ARMC9: variants seen among roughly 807,000 people sequenced by gnomAD.
The protein encoded by ARMC9 is lisH domain-containing protein ARMC9.
A neutral mutation model predicts 107.0 loss-of-function variants in ARMC9; 94 were observed. The ratio of observed to expected loss-of-function variants is 0.88; its 90% CI spans 0.74 to 1.04. The LOEUF (loss-of-function observed/expected upper bound fraction) is 1.04. ARMC9 is among the 50% of genes least tolerant of loss of function. The probability of loss-of-function intolerance (pLI) is 0.00; values close to 1 mark genes in which losing one functional copy is unlikely to be tolerated. For synonymous variants in ARMC9, 380 were observed against 396.9 expected (o/e 0.96, Z 0.51); for missense variants, 942 against 1,030.1 (o/e 0.91, Z 1.17).
At chr2:231,366,400 A>C (rs1336628723) in intron 23 of ARMC9, among the ~76,000 whole-genome samples, 1 of 152,142 alleles carries the variant, frequency 6.6e-6, no homozygotes, top group East Asian at 1.9e-4. Flanking sequence ...ATTGACACAT[A>C]AAAATAACCA....
chr2:231,223,957 A>G (rs2034401731), intron 6 of ARMC9, among the ~76,000 whole-genome samples: 1 of 152,128 alleles, frequency 6.6e-6, no homozygotes, highest in Admixed American at 6.6e-5. Flanking sequence ...TTATTTGAAT[A>G]CGCTTTAAAA....
At chr2:231,359,798 C>T (rs566971776) in intron 22 of ARMC9, among the ~76,000 whole-genome samples, 2 of 152,332 alleles carry the variant, frequency 1.3e-5, no homozygotes, top group East Asian at 3.9e-4. Flanking sequence ...CAGTGCCACC[C>T]GCTGGGTTCT....
intron 2 of ARMC9, 138 bp from the exon 3 acceptor site, chr2:231,207,989 A>G (rs775076170): frequency 7.6e-5 from 40 of 528,722 alleles, no homozygotes; most frequent in Middle Eastern, 5.1e-4. Context: ...ATTGTTAGTG[A>G]TGTTAAGCAC....
intron 9 of ARMC9, among the ~76,000 whole-genome samples, chr2:231,245,177 A>G (rs971298998): frequency 2.6e-5 from 4 of 152,024 alleles, no homozygotes; most frequent in African/African-American, 9.7e-5. Flanking sequence ...GCTCCCACCC[A>G]TTTGTCTTTC....
chr2:231,328,596 A>G (rs1346118198), intron 19 of ARMC9, among the ~76,000 whole-genome samples: 8 of 151,960 alleles, frequency 5.3e-5, no homozygotes, highest in African/African-American at 1.7e-4. Flanking sequence ...ATCCTTTCTC[A>G]TTGAATTTCT....
chr2:231,367,007 C>T (rs1036308884), intron 23 of ARMC9, among the ~76,000 whole-genome samples: 17 of 151,154 alleles, frequency 1.1e-4, no homozygotes, highest in South Asian at 2.1e-4. Context: ...CCCGCCACCA[C>T]GCCTGGCTAA....
intron 21 of ARMC9, among the ~76,000 whole-genome samples, chr2:231,352,570 C>T (rs146362807): frequency 1.3e-5 from 2 of 150,562 alleles, no homozygotes; most frequent in South Asian, 2.1e-4. Context: ...GTGATCCGCC[C>T]GCCTTGGCTT....
chr2:231,221,440 T>C (rs1166152886), intron 5 of ARMC9, among the ~76,000 whole-genome samples: 1 of 152,178 alleles, frequency 6.6e-6, no homozygotes. Flanking sequence ...CTTCAGCATG[T>C]ATTTTGAGGG....
chr2:231,347,802 T>C (rs1339355844), intron 21 of ARMC9, among the ~76,000 whole-genome samples: 1 of 152,216 alleles, frequency 6.6e-6, no homozygotes, highest in Non-Finnish European at 1.5e-5. Flanking sequence ...TCTTAGCATA[T>C]CTAAATATTG....
chr2:231,303,413 C>G (rs988203196), intron 19 of ARMC9, among the ~76,000 whole-genome samples: 1 of 152,182 alleles, frequency 6.6e-6, no homozygotes, highest in Non-Finnish European at 1.5e-5. Context: ...GTGGAGAGAG[C>G]AGGCATCTTT....
rs2046201808 is a variant in ARMC9 at position 231,376,480 on chromosome 2, C to T, written c.*4945C>T. ...GAGGCTGCAGAGATGAAATAAACTCCAGTCTCCCATAGCGCTCCCAGGCTT... is the reference window on the plus strand; with the variant it reads ...GAGGCTGCAGAGATGAAATAAACTCTAGTCTCCCATAGCGCTCCCAGGCTT... On this transcript the variant is annotated 3_prime_UTR_variant, in exon 25 of 25. Transcript: ENST00000611582. 6.6e-6 allele frequency among the ~76,000 whole-genome samples: 1 copy of T among 152,124 alleles called. No individual in the cohort carries two copies. The highest frequency in any genetic ancestry group is 2.4e-5 in the African/African-American group (1 of 41,420).
At chr2:231,247,690 G>A (rs954638483) in intron 9 of ARMC9, among the ~76,000 whole-genome samples, 3 of 152,182 alleles carry the variant, frequency 2.0e-5, no homozygotes, top group African/African-American at 7.2e-5. Flanking sequence ...CAGCACTTTG[G>A]GAGGCCGAGG....
chr2:231,346,326 C>T (rs2125585042), intron 21 of ARMC9, among the ~76,000 whole-genome samples: 1 of 151,942 alleles, frequency 6.6e-6, no homozygotes, highest in South Asian at 2.1e-4. Context: ...TCGAGACCAT[C>T]CTGGCTAACG....
chr2:231,245,405 C>T (rs569944473), intron 9 of ARMC9, among the ~76,000 whole-genome samples: 7 of 152,282 alleles, frequency 4.6e-5, no homozygotes, highest in East Asian at 1.9e-4. Flanking sequence ...AGTCTGCTGT[C>T]GGGGTTTCAC....
rs528560547 is a variant in ARMC9, at chr2:231,299,396, A to AG, written c.1773+3149dup. 3.2e-3 allele frequency among the ~76,000 whole-genome samples: 483 copies of AG among 152,278 alleles called. 2 individuals carry two copies. Among genetic ancestry groups the AG allele is most frequent in the African/African-American group, 0.011 (460 of 41,566 alleles). On this transcript the variant is annotated intron_variant, in intron 19 of 24. Transcript: ENST00000611582. ...CTCTTTGCTGACATTATAAACTGCA[A>AG]GGGGGGAATAGGAATAAGGAAGTTT...
At chr2:231,209,828 C>T (rs183975487) in intron 3 of ARMC9, among the ~76,000 whole-genome samples, 15 of 152,022 alleles carry the variant, frequency 9.9e-5, no homozygotes, top group Non-Finnish European at 1.9e-4. Flanking sequence ...GGCCACCACA[C>T]CTGGTCTATT....
chr2:231,198,680 G>A lies in ARMC9; in HGVS notation c.-60G>A, dbSNP rs1266775026. 1 of 152,186 alleles carries A rather than the reference G, an allele frequency of 6.6e-6. No individual in the cohort carries two copies. The highest frequency in any genetic ancestry group is 1.5e-5 in the Non-Finnish European group (1 of 68,032). 9.4% of individuals were successfully genotyped at this position (152,186 alleles called of 1,614,324 possible). On this transcript the variant is annotated 5_prime_UTR_variant, in exon 1 of 25. Transcript: ENST00000611582. ...GCGGCCGGGCTGGGATAGCGCGAGT[G>A]TCCGCGGCCGAGCAGCAGGTAAGCG...
intron 8 of ARMC9, among the ~76,000 whole-genome samples, chr2:231,236,554 T>C (rs2035734475): frequency 6.6e-6 from 1 of 152,220 alleles, no homozygotes; most frequent in Admixed American, 6.5e-5. Context: ...CCCAGCACTT[T>C]GGAAGGCTAA....
chr2:231,366,480 T>C (rs1271578802), intron 23 of ARMC9, among the ~76,000 whole-genome samples: 2 of 152,040 alleles, frequency 1.3e-5, no homozygotes, highest in Admixed American at 6.6e-5. Context: ...GGAGGATCTC[T>C]TGAGGCCAGG....
Sources: gnomAD v4.1 joint callset for allele counts (sites outside exome capture counted in the v4.1 genomes callset) on GRCh38, gnomAD v4.1.1 for gene constraint, MANE v1.5 for transcripts, NCBI Gene and HGNC (gene_info 2026-07-23, HGNC 2026-07-21) for gene names.